PASD1: variants seen among roughly 807,000 people sequenced by gnomAD.
PASD1 encodes the protein PAS domain containing repressor 1, also known as circadian clock protein PASD1.
PASD1 carries 13 observed loss-of-function variants against 58.8 expected under a neutral mutation model. The observed-to-expected ratio is 0.22, with a 90% CI of 0.14 to 0.35. PASD1 has a LOEUF of 0.35. PASD1 is among the 10% of genes least tolerant of loss of function. The pLI is 1.00. For missense variants in PASD1, 734 were observed against 568.3 expected (o/e 1.29, Z -2.96); for synonymous variants, 236 against 216.7 (o/e 1.09, Z -0.78).
chrX:151,648,561 G>T, intron 8 of PASD1, 54 bp from the exon 9 acceptor site: 2 of 1,093,504 alleles, frequency 1.8e-6, no homozygotes, highest in Non-Finnish European at 2.5e-6. Context: ...AGAAAATTTT[G>T]ATTTAAATGG....
At chrX:151,566,129 C>T (rs189202697) in intron 1 of PASD1, among the ~76,000 whole-genome samples, 20 of 112,280 alleles carry the variant, frequency 1.8e-4, no homozygotes, top group African/African-American at 5.8e-4. Context: ...GTTAGAGGCA[C>T]GTTTTGAGCT....
rs75291816 is a variant in PASD1, at chrX:151,664,270, G to A, written c.993G>A (p.Pro331=). The A allele has an allele frequency of 3.2e-3, 3,917 of 1,209,453 alleles. 99 individuals are homozygous for A. In the African/African-American group the frequency reaches 0.059, roughly 18 times the overall value. The change falls in exon 11 of 16, where the codon CCG becomes CCA. Residue 331 remains proline (P), a synonymous_variant. Transcript: ENST00000370357. ...DQQDPENPVA[P]LDQAGLMDPV... is the part of the protein sequence containing the mutation. ...AGGACCCAGAGAACCCAGTTGCCCC[G>A]TTGGACCAGGCAGGCCTGATGGATC...
intron 9 of PASD1, among the ~76,000 whole-genome samples, chrX:151,656,266 T>C (rs1360966936): frequency 1.8e-5 from 2 of 111,825 alleles, no homozygotes; most frequent in Non-Finnish European, 3.8e-5. Context: ...AGCCTTGTGG[T>C]ATAGTTTGAA....
At chrX:151,648,741 C>T in intron 9 of PASD1, 39 bp downstream of exon 9, 1 of 1,170,861 alleles carries the variant, frequency 8.5e-7, no homozygotes, top group Non-Finnish European at 1.2e-6. Context: ...ATCTTAGACC[C>T]TTATCCGTGT....
Position 151,668,764 on chromosome X carries a change from A to G in PASD1, c.1072-2274A>G, listed in dbSNP as rs754073948. The stretch of plus-strand genomic sequence containing the variant: ...CCAGGACCAGATGGATTCACAGCTG[A>G]ATTCTACCAGAGGTACAAGGAGGAG... On this transcript the variant is annotated intron_variant, in intron 11 of 15. Transcript: ENST00000370357. Among the ~76,000 whole-genome samples, 7 of 110,025 alleles carry G rather than the reference A, an allele frequency of 6.4e-5. No homozygotes were observed. In the Admixed American group the frequency reaches 6.8e-4, roughly 11 times the overall value.
chrX:151,666,804 T>A (rs747229003), intron 11 of PASD1, among the ~76,000 whole-genome samples: 1 of 105,636 alleles, frequency 9.5e-6, no homozygotes, highest in South Asian at 4.6e-4. Flanking sequence ...TTTGGGTTGG[T>A]TCCTAGTCTT....
chrX:151,650,848 A>G (rs764638139), intron 9 of PASD1, among the ~76,000 whole-genome samples: 5 of 111,734 alleles, frequency 4.5e-5, no homozygotes, highest in Non-Finnish European at 9.4e-5. Flanking sequence ...GGGAGAACAC[A>G]TATGGAGCCC....
intron 9 of PASD1, among the ~76,000 whole-genome samples, chrX:151,653,337 G>T (rs144729417): frequency 2.8e-5 from 3 of 108,847 alleles, no homozygotes; most frequent in Non-Finnish European, 5.7e-5. Flanking sequence ...GATTACAGGC[G>T]CATGCCACCA....
At chrX:151,642,616 A>G (rs1053486348) in intron 8 of PASD1, among the ~76,000 whole-genome samples, 104 of 112,223 alleles carry the variant, frequency 9.3e-4, no homozygotes, top group African/African-American at 2.8e-3. Flanking sequence ...TAATTTTTCA[A>G]TGATTTAGCA....
intron 1 of PASD1, among the ~76,000 whole-genome samples, chrX:151,572,080 G>A (rs932627966): frequency 7.2e-5 from 8 of 111,387 alleles, no homozygotes; most frequent in African/African-American, 2.6e-4. Flanking sequence ...TTCAGTTAGA[G>A]AATCCAGCCT....
intron 4 of PASD1, among the ~76,000 whole-genome samples, chrX:151,617,896 G>T (rs1045334519): frequency 8.9e-6 from 1 of 111,999 alleles, no homozygotes; most frequent in South Asian, 3.7e-4. Context: ...AAGTGAGCTT[G>T]TATATGTGAA....
intron 1 of PASD1, among the ~76,000 whole-genome samples, chrX:151,567,053 T>C (rs1470438284): frequency 1.2e-4 from 10 of 80,288 alleles, no homozygotes; most frequent in Non-Finnish European, 2.0e-4. Flanking sequence ...TCAAAATAAA[T>C]AAATAAATAA....
intron 1 of PASD1, among the ~76,000 whole-genome samples, chrX:151,575,330 T>A (rs1233252228): frequency 9.0e-6 from 1 of 111,176 alleles, no homozygotes. Flanking sequence ...GTCTTGGTGG[T>A]TGAAAAGTTT....
intron 8 of PASD1, among the ~76,000 whole-genome samples, chrX:151,630,395 C>T (rs2013852617): frequency 8.9e-6 from 1 of 112,116 alleles, no homozygotes; most frequent in South Asian, 3.7e-4. Flanking sequence ...TGCTCATTAA[C>T]TGATTGGTTA....
chrX:151,646,062 C>T (rs182634051), intron 8 of PASD1, among the ~76,000 whole-genome samples: 18 of 110,470 alleles, frequency 1.6e-4, no homozygotes, highest in African/African-American at 4.9e-4. Context: ...TGGTGTGCAC[C>T]GCCACATCTG....
At chrX:151,638,770 C>T (rs1202276399) in intron 8 of PASD1, among the ~76,000 whole-genome samples, 1 of 111,300 alleles carries the variant, frequency 9.0e-6, no homozygotes, top group Non-Finnish European at 1.9e-5. Flanking sequence ...ATTACCGAAC[C>T]AAGACCACAT....
intron 1 of PASD1, among the ~76,000 whole-genome samples, chrX:151,597,903 G>A (rs1053574411): frequency 1.8e-5 from 2 of 110,957 alleles, no homozygotes; most frequent in African/African-American, 6.6e-5. Context: ...GCTATGTTTT[G>A]TATTTTAGTA....
intron 13 of PASD1, 68 bp downstream of exon 13, chrX:151,671,847 T>C: frequency 9.4e-7 from 1 of 1,062,783 alleles, no homozygotes; most frequent in Non-Finnish European, 1.3e-6. Flanking sequence ...TTTGACTCAC[T>C]TGGTTCTCCT....
Position 151,673,957 on chromosome X carries a change from C to A in PASD1, c.1946C>A (p.Pro649His). ...TATCCTGAGGCGTATCAAGGGCCCC[C>A]CGTGAACCAGCTGCCATTGATAGAT... ...SFYPEAYQGP[P>H]VNQLPLIDTS... Residue 649 changes from proline to histidine, a missense_variant, in exon 15 of 16, where the codon CCC becomes CAC. Physicochemically the swap from Pro to His is moderately conservative, Grantham distance 77 (BLOSUM62 -2). Coordinates refer to ENST00000370357, the MANE Select transcript of PASD1 (RefSeq NM_173493.3). 8.3e-7 allele frequency: 1 copy of A among 1,211,157 alleles called. No homozygotes were observed.
Sources: allele counts gnomAD v4.1 joint callset (sites outside exome capture counted in the v4.1 genomes callset), GRCh38; gene constraint gnomAD v4.1.1; transcripts MANE v1.5; gene names NCBI Gene and HGNC (gene_info 2026-07-23, HGNC 2026-07-21).